The following FUT8 variants were observed in gnomAD, a reference collection of about 807,000 sequenced individuals.
FUT8 encodes the protein fucosyltransferase 8.
FUT8 carries 29 observed loss-of-function variants against 71.3 expected under a neutral mutation model. The observed-to-expected ratio is 0.41, with a 90% CI of 0.30 to 0.55. The LOEUF is 0.55. Ranked by LOEUF, FUT8 falls within the 20% of genes least tolerant of loss-of-function variation. FUT8 has a pLI of 0.34. For missense variants in FUT8, 544 were observed against 702.1 expected (o/e 0.77, Z 2.55); for synonymous variants, 254 against 239.3 (o/e 1.06, Z -0.57).
Position 65,455,667 on chromosome 14 carries a change from T to G in FUT8, c.-279T>G, listed in dbSNP as rs1317065300. 3.5e-5 allele frequency: 14 copies of G among 398,296 alleles called. No individual in the cohort carries two copies. The highest frequency in any genetic ancestry group is 5.8e-5 in the Non-Finnish European group (13 of 225,954). 24.7% of individuals were successfully genotyped at this position (398,296 alleles called of 1,614,324 possible). ...ACATCCATGACCCTAATGGTCTTTTTGTTCAAGATAAAGTGATTTTTTGCC... is the reference window on the plus strand; with the variant it reads ...ACATCCATGACCCTAATGGTCTTTTGGTTCAAGATAAAGTGATTTTTTGCC... On this transcript the variant is annotated 5_prime_UTR_variant, in exon 2 of 11. Coordinates refer to ENST00000673929, the MANE Select transcript of FUT8 (RefSeq NM_001371533.1).
chr14:65,466,756 A>G (rs1356128827), intron 2 of FUT8, among the ~76,000 whole-genome samples: 1 of 152,198 alleles, frequency 6.6e-6, no homozygotes, highest in Non-Finnish European at 1.5e-5. Flanking sequence ...TCAAAAAAAA[A>G]AAGAATAAAA....
chr14:65,435,434 A>G (rs908515017), intron 1 of FUT8, among the ~76,000 whole-genome samples: 2 of 152,208 alleles, frequency 1.3e-5, no homozygotes, highest in Non-Finnish European at 2.9e-5. Flanking sequence ...GCGTGTATCA[A>G]TAGTTCGTTC....
chr14:65,470,011 C>G lies in FUT8; in HGVS notation c.-228+14293C>G, dbSNP rs953217722. Reference sequence around the variant, plus strand: ...GGACGTGCCCCCTTCCACCCAGGAGCCTGTCTGCTTCCTGCCACTTTCCAT... The same window carrying G: ...GGACGTGCCCCCTTCCACCCAGGAGGCTGTCTGCTTCCTGCCACTTTCCAT... On this transcript the variant is annotated intron_variant, in intron 2 of 10. Transcript: ENST00000673929. Among the ~76,000 whole-genome samples the G allele has an allele frequency of 2.6e-4, 40 of 152,228 alleles. 1 individual carries two copies. Among genetic ancestry groups the G allele is most frequent in the Admixed American group, 2.3e-3 (35 of 15,292 alleles).
rs1047637816 is a variant in FUT8 at position 65,643,951 on chromosome 14, C to T, written c.597+14345C>T. Among the ~76,000 whole-genome samples the T allele has an allele frequency of 2.0e-5, 3 of 151,692 alleles. No homozygotes were observed. Among genetic ancestry groups the T allele is most frequent in the Admixed American group, 1.3e-4 (2 of 15,236 alleles). On this transcript the variant is annotated intron_variant, in intron 6 of 10. Transcript: ENST00000673929. This position sits in a 1 kb window ranked among gnomAD's most constrained non-coding sequence, Gnocchi z 4.5. ...AGAAATGGCAGGTTTCGCTATAGTT[C>T]GACTCTGATCTAAGTCACAATACAG...
At chr14:65,564,056 A>G (rs998055910) in intron 3 of FUT8, among the ~76,000 whole-genome samples, 5 of 151,988 alleles carry the variant, frequency 3.3e-5, no homozygotes, top group Non-Finnish European at 7.4e-5. Context: ...CCTTTCATTG[A>G]CTTTACTGCT....
At chr14:65,518,197 A>G (rs923981344) in intron 2 of FUT8, among the ~76,000 whole-genome samples, 1 of 152,182 alleles carries the variant, frequency 6.6e-6, no homozygotes, top group African/African-American at 2.4e-5. Flanking sequence ...CTTAATTTCC[A>G]CTGAGTTAGA....
In FUT8 at chr14:65,629,286, C is replaced by T. The variant is rs78684228; in HGVS notation, c.483-206C>T. ...GAACAAAAAAAGTATATTTTCTCAA[C>T]AGTGAAAATTTACTATAGGAATGAC... On this transcript the variant is annotated intron_variant, in intron 5 of 10. Coordinates refer to ENST00000673929, the MANE Select transcript of FUT8 (RefSeq NM_001371533.1). Among the ~76,000 whole-genome samples, 939 of 152,286 alleles carry T rather than the reference C, an allele frequency of 6.2e-3. 11 individuals carry two copies. The highest frequency in any genetic ancestry group is 0.035 in the East Asian group (183 of 5,182).
chr14:65,717,646 G>A (rs1263417984), intron 7 of FUT8, among the ~76,000 whole-genome samples: 6 of 148,554 alleles, frequency 4.0e-5, no homozygotes, highest in African/African-American at 1.3e-4. Flanking sequence ...GGGCAGCCGG[G>A]CAGAGGCGCT....
At chr14:65,416,252 T>C (rs111613746) in intron 1 of FUT8, among the ~76,000 whole-genome samples, 1 of 151,786 alleles carries the variant, frequency 6.6e-6, no homozygotes, top group African/African-American at 2.4e-5. Flanking sequence ...TAAGTTACTT[T>C]ACTAAACATA....
chr14:65,392,762 C>T, the FUT8 span, among the ~76,000 whole-genome samples: 20,388 of 152,102 alleles, frequency 0.13, 2,020 homozygotes, highest in East Asian at 0.54. Flanking sequence ...TGGCTGGAAG[C>T]GTCCTGCTTC....
intron 3 of FUT8, among the ~76,000 whole-genome samples, chr14:65,581,505 A>T (rs1453946998): frequency 1.3e-5 from 2 of 152,060 alleles, no homozygotes; most frequent in Non-Finnish European, 2.9e-5. Context: ...CTATTTATTC[A>T]TTTTAGGATA....
intron 2 of FUT8, among the ~76,000 whole-genome samples, chr14:65,553,039 T>C (rs1885377405): frequency 6.6e-6 from 1 of 152,160 alleles, no homozygotes. Context: ...CTCTGCAGCC[T>C]CAACCTCCAG....
chr14:65,725,870 A>G (rs1895659436), intron 9 of FUT8, among the ~76,000 whole-genome samples: 1 of 152,272 alleles, frequency 6.6e-6, no homozygotes, highest in Non-Finnish European at 1.5e-5. Context: ...TAATGCAGGT[A>G]TTAATCTAAG....
chr14:65,715,252 T>G (rs1347584179), intron 7 of FUT8, among the ~76,000 whole-genome samples: 1 of 152,202 alleles, frequency 6.6e-6, no homozygotes, highest in Non-Finnish European at 1.5e-5. Flanking sequence ...ATACGTTGCT[T>G]TTATACTCAG....
chr14:65,718,662 G>C (rs1895251751), intron 7 of FUT8, among the ~76,000 whole-genome samples: 1 of 152,144 alleles, frequency 6.6e-6, no homozygotes, highest in South Asian at 2.1e-4. Flanking sequence ...TGATGTTGAT[G>C]AAATCTCTCA....
chr14:65,366,701 A>G, the FUT8 span, among the ~76,000 whole-genome samples: 2 of 152,318 alleles, frequency 1.3e-5, no homozygotes, highest in African/African-American at 4.8e-5. Context: ...GTCGTATCTT[A>G]GAGCCCTGGG....
intron 1 of FUT8, among the ~76,000 whole-genome samples, chr14:65,435,088 T>G (rs1391054574): frequency 6.6e-6 from 1 of 152,186 alleles, no homozygotes; most frequent in East Asian, 1.9e-4. Flanking sequence ...TGAGGGAAAT[T>G]AGTTCCAAAA....
In FUT8 at chr14:65,561,580, G is replaced by A; in HGVS notation, c.17G>A (p.Gly6Asp). ...AATCTGAAAATGCGGCCATGGACTG[G>A]TTCCTGGCGTTGGATTATGCTCATT... is the stretch of plus-strand genomic sequence containing the variant. MRPWT[G>D]SWRWIMLILF... The change falls in exon 3 of 11, where the codon GGT becomes GAT. Residue 6 changes from glycine to aspartate, a missense_variant. Physicochemically the swap from Gly to Asp is moderately conservative, Grantham distance 94. Coordinates refer to ENST00000673929, the MANE Select transcript of FUT8 (RefSeq NM_001371533.1). 6.2e-7 allele frequency: 1 copy of A among 1,613,400 alleles called. No homozygotes were observed.
chr14:65,620,121 C>G (rs1418717270), intron 5 of FUT8, among the ~76,000 whole-genome samples: 1 of 151,818 alleles, frequency 6.6e-6, no homozygotes, highest in African/African-American at 2.4e-5. Context: ...ACCAAAGCTG[C>G]TTCTTTCTGC....
Sources: gnomAD v4.1 joint callset for allele counts (sites outside exome capture counted in the v4.1 genomes callset) on GRCh38, gnomAD v4.1.1 for gene constraint, Gnocchi (gnomAD v3.1) non-coding constraint, MANE v1.5 for transcripts, NCBI Gene and HGNC (gene_info 2026-07-23, HGNC 2026-07-21) for gene names.